Variants in ARHGEF10 observed in about 807,000 individuals in gnomAD.
ARHGEF10 encodes Rho guanine nucleotide exchange factor (GEF) 10.
ARHGEF10 carries 140 observed loss-of-function variants against 147.4 expected under a neutral mutation model. That is an observed-to-expected ratio of 0.95 (90% CI 0.83 to 1.09). The LOEUF is 1.09. Ranked by LOEUF, ARHGEF10 falls within the 50% of genes least tolerant of loss-of-function variation. The pLI is 0.00. For synonymous variants in ARHGEF10, 902 were observed against 695.8 expected, an observed-to-expected ratio of 1.30 and a Z score of -4.67; for missense variants, 2,222 against 1,752.7, an observed-to-expected ratio of 1.27 and a Z score of -4.78.
rs1585554172 is a variant in ARHGEF10 at position 1,923,192 on chromosome 8, A to G, written c.2259+113A>G. On this transcript the variant is annotated intron_variant, in intron 19 of 28. Coordinates refer to ENST00000349830, the MANE Select transcript of ARHGEF10 (RefSeq NM_014629.4). ...AGTGAGAATTCATTTTGACTTTAAA[A>G]ATTAATCTGAATGTACATTTTCTCT... The G allele has an allele frequency of 6.5e-6, 6 of 927,016 alleles. No homozygotes were observed. In the East Asian group the frequency reaches 1.0e-4, roughly 16 times the overall value. 57.4% of individuals were successfully genotyped at this position (927,016 alleles called of 1,614,324 possible). A position where few individuals can be genotyped will look rare whatever the true frequency, so the allele number is the denominator to read the frequency against.
intron 17 of ARHGEF10, among the ~76,000 whole-genome samples, chr8:1,907,026 C>T (rs534048640): frequency 7.2e-5 from 11 of 152,364 alleles, no homozygotes; most frequent in Admixed American, 7.2e-4. Context: ...CACCTGCCTT[C>T]TGTGTGCAGA....
In ARHGEF10 at chr8:1,953,231, G is replaced by C. The variant is rs7459826; in HGVS notation, c.3520+404G>C. On this transcript the variant is annotated intron_variant, in intron 28 of 28. Coordinates refer to ENST00000349830, the MANE Select transcript of ARHGEF10 (RefSeq NM_014629.4). ...GAAGAAGGAAGCCGGGATCTCCGTC[G>C]TTCCTTTCTGTATTTTATATTGTGA... Among the ~76,000 whole-genome samples, 61 of 12,736 alleles carry C rather than the reference G, an allele frequency of 4.8e-3. 6 individuals are homozygous for C. Among genetic ancestry groups the C allele is most frequent in the African/African-American group, 0.012 (60 of 5,006 alleles). The allele number at this position is 12,736 out of a possible 152,430, so 8.4% of individuals were successfully genotyped here.
chr8:1,909,924 C>T (rs1458801942), intron 18 of ARHGEF10, among the ~76,000 whole-genome samples: 4 of 152,176 alleles, frequency 2.6e-5, no homozygotes, highest in African/African-American at 7.2e-5. Context: ...TACTCAGTTT[C>T]CCCATGGAGG....
At chr8:1,864,620 C>T (rs951883644) in intron 5 of ARHGEF10, among the ~76,000 whole-genome samples, 184 bp downstream of exon 5, 3 of 152,168 alleles carry the variant, frequency 2.0e-5, no homozygotes, top group Admixed American at 6.5e-5. Flanking sequence ...AGGGTCAGGA[C>T]GAGTGGACTG....
At chr8:1,834,409 C>G (rs6558553) in intron 1 of ARHGEF10, among the ~76,000 whole-genome samples, 89,688 of 151,674 alleles carry the variant, frequency 0.59, 26,844 homozygotes, top group Middle Eastern at 0.72. Context: ...GGTAGCAGAG[C>G]TGGAGACACA....
chr8:1,946,375 G>A (rs1354625148), intron 27 of ARHGEF10, among the ~76,000 whole-genome samples: 1 of 152,216 alleles, frequency 6.6e-6, no homozygotes, highest in Non-Finnish European at 1.5e-5. Flanking sequence ...CGCCACAGAC[G>A]GGCTGGCTTA....
rs751927905 is a variant in ARHGEF10, at chr8:1,926,403, A to C, written c.2637A>C (p.Glu879Asp). 1.2e-6 allele frequency: 2 copies of C among 1,614,118 alleles called. No individual in the cohort carries two copies. The highest frequency in any genetic ancestry group is 8.5e-7 in the Non-Finnish European group (1 of 1,179,990). Reference sequence around the variant, plus strand: ...TTGAATGTGCTGCTTATAACCCTGAACCTTACCTAAATAATGAAAGCCAGC... The same window carrying C: ...TTGAATGTGCTGCTTATAACCCTGACCCTTACCTAAATAATGAAAGCCAGC... ...FKIECAAYNP[E>D]PYLNNESQPD... Residue 879 changes from glutamate to aspartate, a missense_variant, in exon 23 of 29, where the codon GAA becomes GAC. By Grantham distance (45) the Glu-to-Asp change is conservative. Transcript: ENST00000349830.
intron 26 of ARHGEF10, among the ~76,000 whole-genome samples, chr8:1,942,335 G>A (rs1196202469): frequency 6.6e-6 from 1 of 151,248 alleles, no homozygotes; most frequent in Non-Finnish European, 1.5e-5. Context: ...ATGTACAGTC[G>A]ACCCATAGGC....
At chr8:1,863,075 G>C (rs142689778) in intron 4 of ARHGEF10, among the ~76,000 whole-genome samples, 1 of 152,096 alleles carries the variant, frequency 6.6e-6, no homozygotes, top group Admixed American at 6.5e-5. Flanking sequence ...GAGCCACCGC[G>C]GCCAGCTGGA....
rs571742009 is a variant in ARHGEF10, at chr8:1,834,730, G to A, written c.-47-8623G>A. On this transcript the variant is annotated intron_variant, in intron 1 of 28. Transcript: ENST00000349830. ...ATGACATTCCAGAAGGACTCCTGCC[G>A]TAGACTTTGCGTCCTTTTACGTTTC... Among the ~76,000 whole-genome samples the A allele has an allele frequency of 6.2e-4, 95 of 152,334 alleles. 1 individual carries two copies. The highest frequency in any genetic ancestry group is 1.9e-4 in the Non-Finnish European group (13 of 68,036).
At chr8:1,931,462 G>A (rs939992340) in intron 25 of ARHGEF10, among the ~76,000 whole-genome samples, 5 of 152,180 alleles carry the variant, frequency 3.3e-5, no homozygotes, top group African/African-American at 1.2e-4. Flanking sequence ...CTGTGTTTTC[G>A]CCTTGTCAGA....
chr8:1,903,211 G>A, intron 15 of ARHGEF10, 70 bp from the exon 16 acceptor site: 1 of 1,573,554 alleles, frequency 6.4e-7, no homozygotes, highest in Non-Finnish European at 8.7e-7. Flanking sequence ...TCAGCTGGCG[G>A]GTGACGCGAC....
rs777890932 is a variant in ARHGEF10 at position 1,885,728 on chromosome 8, A to G, written c.1182+21A>G. On this transcript the variant is annotated intron_variant, in intron 11 of 28. Coordinates refer to ENST00000349830, the MANE Select transcript of ARHGEF10 (RefSeq NM_014629.4). Reference sequence around the variant, plus strand: ...AGCAGGTGAGATGAGCAGAGCTGACAGGGGCTGTTGACCAGCAGAGCTGTG... The same window carrying G: ...AGCAGGTGAGATGAGCAGAGCTGACGGGGGCTGTTGACCAGCAGAGCTGTG... 4 of 1,555,074 alleles carry G rather than the reference A, an allele frequency of 2.6e-6. No homozygotes were observed. In the Admixed American group the frequency reaches 5.0e-5, roughly 19 times the overall value.
intron 26 of ARHGEF10, among the ~76,000 whole-genome samples, chr8:1,944,142 C>A (rs1462456557): frequency 1.2e-5 from 1 of 81,196 alleles, no homozygotes; most frequent in African/African-American, 3.7e-5. Context: ...CAGCCTCCCG[C>A]ATCGTGTCGC....
chr8:1,917,388 G>A (rs1369252495), intron 18 of ARHGEF10, among the ~76,000 whole-genome samples: 1 of 152,168 alleles, frequency 6.6e-6, no homozygotes, highest in East Asian at 1.9e-4. Flanking sequence ...CTCACATCGT[G>A]GAGGAGAGGC....
chr8:1,944,824 C>G (rs1445491832), intron 26 of ARHGEF10, among the ~76,000 whole-genome samples: 1 of 152,214 alleles, frequency 6.6e-6, no homozygotes, highest in Non-Finnish European at 1.5e-5. Flanking sequence ...TCCCAGAGAG[C>G]CTGAACTCCA....
intron 27 of ARHGEF10, among the ~76,000 whole-genome samples, chr8:1,946,073 C>A (rs1814565633): frequency 6.6e-6 from 1 of 152,080 alleles, no homozygotes; most frequent in African/African-American, 2.4e-5. Context: ...CCAACAGAGG[C>A]CTATGTTTGT....
At chr8:1,879,935 G>T (rs1487857950) in intron 8 of ARHGEF10, 113 bp from the exon 9 acceptor site, 9 of 811,766 alleles carry the variant, frequency 1.1e-5, no homozygotes, top group Non-Finnish European at 2.0e-5. Flanking sequence ...CCCCCAGCCA[G>T]GACAGGCCTG....
At chr8:1,885,481 T>A (rs1364128791) in intron 10 of ARHGEF10, 120 bp from the exon 11 acceptor site, 1 of 709,780 alleles carries the variant, frequency 1.4e-6, no homozygotes, top group Non-Finnish European at 2.5e-6. Context: ...GGGTGTCAAG[T>A]AAGCATGGAA....
Sources: gnomAD v4.1 joint callset for allele counts (sites outside exome capture counted in the v4.1 genomes callset) on GRCh38, gnomAD v4.1.1 for gene constraint, MANE v1.5 for transcripts, NCBI Gene and HGNC (gene_info 2026-07-23, HGNC 2026-07-21) for gene names.